Variants in FRK observed in about 807,000 individuals in gnomAD.
FRK encodes the protein tyrosine-protein kinase FRK.
FRK carries 51 observed loss-of-function variants against 56.4 expected under a neutral mutation model. The observed-to-expected ratio is 0.90, with a 90% CI of 0.72 to 1.14. The LOEUF (loss-of-function observed/expected upper bound fraction) is 1.14, where lower values mean the gene tolerates loss of function less well. Among genes scored for constraint, FRK ranks in the 50% most tolerant of loss-of-function variants. The pLI, the probability that FRK is intolerant of heterozygous loss-of-function variation, is 0.00. For missense variants in FRK, 570 were observed against 601.4 expected (o/e 0.95, Z 0.55); for synonymous variants, 245 against 217.9 (o/e 1.12, Z -1.10).
intron 1 of FRK, among the ~76,000 whole-genome samples, chr6:116,025,951 A>T (rs1209310284): frequency 6.6e-6 from 1 of 152,152 alleles, no homozygotes; most frequent in African/African-American, 2.4e-5. Context: ...AACTCATCTG[A>T]GTTAAAAAGG....
At chr6:115,953,013 G>A (rs1772830015) in intron 5 of FRK, among the ~76,000 whole-genome samples, 1 of 151,180 alleles carries the variant, frequency 6.6e-6, no homozygotes, top group Non-Finnish European at 1.5e-5. Flanking sequence ...CATGGCACAT[G>A]TATACATAAG....
At chr6:116,009,326 T>C (rs1004426957) in intron 1 of FRK, among the ~76,000 whole-genome samples, 1 of 152,144 alleles carries the variant, frequency 6.6e-6, no homozygotes, top group African/African-American at 2.4e-5. Context: ...AATTCTTGGG[T>C]TTCACTTCAT....
chr6:116,042,321 C>G (rs1346959582), intron 1 of FRK, among the ~76,000 whole-genome samples: 1 of 152,136 alleles, frequency 6.6e-6, no homozygotes, highest in Non-Finnish European at 1.5e-5. Context: ...ATGGGCACAG[C>G]TTCAGCAGAC....
intron 2 of FRK, among the ~76,000 whole-genome samples, chr6:115,997,032 T>C (rs1226340096): frequency 1.3e-5 from 2 of 152,190 alleles, no homozygotes; most frequent in Non-Finnish European, 2.9e-5. Flanking sequence ...TAATCATCCA[T>C]ATTATTCAGA....
Position 116,060,123 on chromosome 6 carries a change from G to A in FRK, c.189C>T (p.Phe63=), listed in dbSNP as rs773072498. 1.2e-6 allele frequency: 2 copies of A among 1,614,168 alleles called. No individual in the cohort carries two copies. Among genetic ancestry groups the A allele is most frequent in the South Asian group, 2.2e-5 (2 of 91,080 alleles). The change falls in exon 1 of 8, where the codon TTC becomes TTT. Residue 63 remains phenylalanine, a synonymous_variant. Transcript: ENST00000606080. The part of the protein sequence containing the change: ...YQARTAEDLS[F]RAGDKLQVLD... ...GAACTTGAAGTTTGTCACCTGCTCG[G>A]AAGCTCAAGTCCTCAGCAGTCCGAG...
chr6:116,003,059 G>A (rs922615608), intron 2 of FRK, among the ~76,000 whole-genome samples: 5 of 152,152 alleles, frequency 3.3e-5, no homozygotes, highest in Admixed American at 1.3e-4. Context: ...ATTTATTGCA[G>A]GGAAACAGGA....
the FRK span, among the ~76,000 whole-genome samples, chr6:116,086,536 G>C: frequency 6.6e-6 from 1 of 152,056 alleles, no homozygotes; most frequent in Non-Finnish European, 1.5e-5. Flanking sequence ...TCTACCAAAG[G>C]TCAAATTAAA....
rs1431876251 is a variant in FRK, at chr6:115,938,450, G to A, written c.*3964C>T. ...CAAGAGCAAACAAATTCAAAAGCTA[G>A]CAGAAGACAAGAAATAACTAAGATC... On this transcript the variant is annotated 3_prime_UTR_variant, in exon 8 of 8. Transcript: ENST00000606080. The A allele has an allele frequency of 2.6e-5, 4 of 152,140 alleles. No individual in the cohort carries two copies. The highest frequency in any genetic ancestry group is 5.9e-5 in the Non-Finnish European group (4 of 68,050). The allele number at this position is 152,140 out of a possible 1,614,324, so 9.4% of individuals were successfully genotyped here. A position where few individuals can be genotyped will look rare whatever the true frequency, so the allele number is the denominator to read the frequency against.
At chr6:115,977,077 A>C (rs2114626182) in intron 2 of FRK, among the ~76,000 whole-genome samples, 1 of 152,286 alleles carries the variant, frequency 6.6e-6, no homozygotes, top group Non-Finnish European at 1.5e-5. Flanking sequence ...AAACCATTAC[A>C]AAGACAACCA....
At chr6:116,024,057 T>TACACACACAC (rs55922355) in intron 1 of FRK, among the ~76,000 whole-genome samples, 70 of 136,686 alleles carry the variant, frequency 5.1e-4, no homozygotes, top group African/African-American at 1.8e-3. Flanking sequence ...CCTGAGAACT[T>TACACACACAC]ACACACACAC....
At chr6:116,026,872 G>C (rs1667662645) in intron 1 of FRK, among the ~76,000 whole-genome samples, 1 of 152,106 alleles carries the variant, frequency 6.6e-6, no homozygotes, top group African/African-American at 2.4e-5. Flanking sequence ...GGGGCAAACT[G>C]AATAGTGGAG....
At chr6:116,033,216 A>G (rs559731781) in intron 1 of FRK, among the ~76,000 whole-genome samples, 121 of 152,258 alleles carry the variant, frequency 7.9e-4, no homozygotes, top group African/African-American at 2.9e-3. Flanking sequence ...AAAAGGTTAC[A>G]TTTCAATTCA....
chr6:116,043,633 C>T (rs775993134), intron 1 of FRK, among the ~76,000 whole-genome samples: 10 of 151,818 alleles, frequency 6.6e-5, no homozygotes, highest in African/African-American at 1.5e-4. Context: ...CAGAAGGAAG[C>T]GGGAAAGATC....
At chr6:116,035,807 G>T (rs184554790) in intron 1 of FRK, among the ~76,000 whole-genome samples, 1 of 151,912 alleles carries the variant, frequency 6.6e-6, no homozygotes, top group Non-Finnish European at 1.5e-5. Context: ...ACAACTACCC[G>T]TAAATAAATA....
At chr6:115,971,930 G>C (rs1238048047) in intron 2 of FRK, among the ~76,000 whole-genome samples, 1 of 152,188 alleles carries the variant, frequency 6.6e-6, no homozygotes, top group Non-Finnish European at 1.5e-5. Flanking sequence ...GAGTAAAGAA[G>C]GAGAAGGCCA....
At chr6:116,017,685 G>A (rs1466681038) in intron 1 of FRK, among the ~76,000 whole-genome samples, 5 of 152,300 alleles carry the variant, frequency 3.3e-5, no homozygotes, top group East Asian at 1.9e-4. Context: ...TAAGAAGGTC[G>A]GAGGTAGAGC....
intron 1 of FRK, among the ~76,000 whole-genome samples, chr6:116,008,486 T>G (rs932503606): frequency 1.3e-5 from 2 of 152,264 alleles, no homozygotes; most frequent in African/African-American, 4.8e-5. Flanking sequence ...CTGCATGTAG[T>G]GGCATTTATA....
At chr6:115,991,994 T>G (rs1774628555) in intron 2 of FRK, among the ~76,000 whole-genome samples, 1 of 151,606 alleles carries the variant, frequency 6.6e-6, no homozygotes, top group African/African-American at 2.4e-5. Flanking sequence ...TCCCAAAAAT[T>G]TTATTTCCCA....
chr6:115,982,154 A>G (rs1029140734), intron 2 of FRK, among the ~76,000 whole-genome samples: 2 of 152,102 alleles, frequency 1.3e-5, no homozygotes, highest in Non-Finnish European at 2.9e-5. Flanking sequence ...TGAATAGAAC[A>G]AAAAAGGTAG....
Sources: allele counts gnomAD v4.1 joint callset (sites outside exome capture counted in the v4.1 genomes callset), GRCh38; gene constraint gnomAD v4.1.1; transcripts MANE v1.5; gene names NCBI Gene and HGNC (gene_info 2026-07-23, HGNC 2026-07-21).